RFPL2: variants seen among roughly 807,000 people sequenced by gnomAD.
The protein encoded by RFPL2 is ret finger protein-like 2.
In RFPL2, 13 loss-of-function variants were observed where a neutral mutation model predicts 17.8. The ratio of observed to expected loss-of-function variants is 0.73; its 90% CI spans 0.47 to 1.16. The LOEUF is 1.16. RFPL2 is among the 50% of genes most tolerant of loss of function. The probability of loss-of-function intolerance (pLI) is 0.00; values close to 1 mark genes in which losing one functional copy is unlikely to be tolerated. For missense variants in RFPL2, 431 were observed against 479.3 expected, an observed-to-expected ratio of 0.90 and a Z score of 0.94; for synonymous variants, 189 against 180.9, an observed-to-expected ratio of 1.04 and a Z score of -0.36.
chr22:32,200,122 G>A (rs1244673724), intron 2 of RFPL2: 1 of 395,608 alleles, frequency 2.5e-6, no homozygotes, highest in African/African-American at 2.2e-5. Context: ...ACAGCCAGAA[G>A]CGACCTGAGC....
rs1386311519 is a variant in RFPL2, at chr22:32,203,191, C to T, written c.-99-641G>A. The T allele has an allele frequency of 8.4e-6, 6 of 716,498 alleles. No individual in the cohort carries two copies. The African/African-American group carries it at 1.2e-4, about 14-fold the overall frequency. The allele number at this position is 716,498 out of a possible 1,614,324, so 44.4% of individuals were successfully genotyped here. A position where few individuals can be genotyped will look rare whatever the true frequency, so the allele number is the denominator to read the frequency against. ...ATGGCGCTGGCAGCCTGCCCCCTGCCACGGGCAGCGCAGCCCGGGATAACT... is the reference window on the plus strand; with the variant it reads ...ATGGCGCTGGCAGCCTGCCCCCTGCTACGGGCAGCGCAGCCCGGGATAACT... On this transcript the variant is annotated intron_variant, in intron 1 of 4. Transcript: ENST00000652607.
At chr22:32,201,890 C>G (rs189557887) in intron 2 of RFPL2, among the ~76,000 whole-genome samples, 1 of 152,184 alleles carries the variant, frequency 6.6e-6, no homozygotes, top group Non-Finnish European at 1.5e-5. Flanking sequence ...TCCCACGGCT[C>G]CTGTTTGACT....
At chr22:32,201,037 T>A (rs1923865225) in intron 2 of RFPL2, among the ~76,000 whole-genome samples, 1 of 141,290 alleles carries the variant, frequency 7.1e-6, no homozygotes, top group South Asian at 2.2e-4. Flanking sequence ...TTCCCTTATT[T>A]CCTTTTTTTT....
chr22:32,196,769 T>C (rs1480333456), intron 2 of RFPL2, among the ~76,000 whole-genome samples: 1 of 152,112 alleles, frequency 6.6e-6, no homozygotes. Flanking sequence ...AGATGTGATG[T>C]CAATGAGACA....
intron 2 of RFPL2, among the ~76,000 whole-genome samples, chr22:32,199,215 T>TGTG (rs1923668035): frequency 6.6e-6 from 1 of 151,850 alleles, no homozygotes; most frequent in African/African-American, 2.4e-5. Flanking sequence ...AGGGGAAGGC[T>TGTG]GTGGACATGA....
chr22:32,198,151 C>T (rs1403221083), intron 2 of RFPL2, among the ~76,000 whole-genome samples: 2 of 152,126 alleles, frequency 1.3e-5, no homozygotes, highest in South Asian at 2.1e-4. Flanking sequence ...CCTGCTCTTG[C>T]TTTGTGATCA....
At chr22:32,201,845 C>A (rs112713114) in intron 2 of RFPL2, among the ~76,000 whole-genome samples, 1,896 of 152,224 alleles carry the variant, frequency 0.012, 48 homozygotes, top group African/African-American at 0.043. Flanking sequence ...TGGGTGGGGC[C>A]AGGGAGGGGC....
At chr22:32,197,507 G>A (rs1923472382) in intron 2 of RFPL2, among the ~76,000 whole-genome samples, 1 of 151,702 alleles carries the variant, frequency 6.6e-6, no homozygotes. Flanking sequence ...TGCTGCGCCC[G>A]TTAACTCGTC....
At chr22:32,192,309 T>A (rs2149524310) in intron 4 of RFPL2, among the ~76,000 whole-genome samples, 1 of 152,292 alleles carries the variant, frequency 6.6e-6, no homozygotes, top group South Asian at 2.1e-4. Context: ...TAGAGATGTA[T>A]AGTATTTTCT....
At chr22:32,200,446 G>T (rs1336417615) in intron 2 of RFPL2, among the ~76,000 whole-genome samples, 1 of 152,144 alleles carries the variant, frequency 6.6e-6, no homozygotes, top group Non-Finnish European at 1.5e-5. Context: ...TGTGTGTAAG[G>T]GGGGATTCCT....
chr22:32,202,695 G>A lies in RFPL2; in HGVS notation c.-99-145C>T, dbSNP rs906913280. ...TTAGCGCAAGCTGGCCAGGAACTGC[G>A]GCCTGGAGTGGGGACTGCAGACACC... On this transcript the variant is annotated intron_variant, in intron 1 of 4. Transcript: ENST00000652607. 3.8e-6 allele frequency: 5 copies of A among 1,319,730 alleles called. No homozygotes were observed. In the African/African-American group the frequency reaches 5.9e-5, roughly 16 times the overall value. 81.8% of individuals were successfully genotyped at this position (1,319,730 alleles called of 1,614,324 possible).
In RFPL2 at chr22:32,193,045, A is replaced by G. The variant is rs779829185; in HGVS notation, c.413T>C (p.Leu138Pro). Residue 138 changes from leucine to proline, a missense_variant, in exon 4 of 5, where the codon CTT becomes CCT. Physicochemically the swap from Leu to Pro is moderately conservative, Grantham distance 98. Coordinates refer to ENST00000652607, the MANE Select transcript of RFPL2 (RefSeq NM_001394555.1). ...AGAGACCATGGAAGAGCAACAGCAA[A>G]GTAGATCCTCCCCATGGGGCTCCTT... ...LQKEPHGEDL[L>P]CCCSSMVSRK... The G allele has an allele frequency of 1.1e-5, 18 of 1,613,884 alleles. No homozygotes were observed. Among genetic ancestry groups the G allele is most frequent in the Non-Finnish European group, 1.4e-5 (17 of 1,179,932 alleles).
At chr22:32,203,495 C>T (rs904055154) in intron 1 of RFPL2, 3 of 152,138 alleles carry the variant, frequency 2.0e-5, no homozygotes, top group Non-Finnish European at 4.4e-5. Flanking sequence ...CAATCTGCCA[C>T]CCACCGCCGG....
At chr22:32,193,537 C>T (rs1436024663) in intron 3 of RFPL2, 2 of 1,321,100 alleles carry the variant, frequency 1.5e-6, no homozygotes, top group African/African-American at 1.5e-5. Context: ...AGGGGAACCC[C>T]AGCAAGAGAC....
chr22:32,200,723 T>C (rs1923829775), intron 2 of RFPL2, among the ~76,000 whole-genome samples: 1 of 152,070 alleles, frequency 6.6e-6, no homozygotes, highest in Admixed American at 6.6e-5. Flanking sequence ...TTCTTTAGTC[T>C]TGAAATCCTA....
At chr22:32,202,785 G>C in intron 1 of RFPL2, 1 of 1,080,144 alleles carries the variant, frequency 9.3e-7, no homozygotes, top group South Asian at 3.2e-5. Context: ...TCCTCGGGAA[G>C]CAGGAGCAGC....
In RFPL2 at chr22:32,202,436, A is replaced by T. The variant is rs1924026946; in HGVS notation, c.16T>A (p.Leu6Ile). The change falls in exon 2 of 5, where the codon TTA becomes ATA. Residue 6 changes from leucine to isoleucine, a missense_variant. Transcript: ENST00000652607. ...GACACTGCAGTCTCTGGGAAGCCTA[A>T]TTCAGCCACCTCCATCGGAGGCAAA... MEVAELGFPETAVSQS... is the reference protein window; with the variant it reads MEVAEIGFPETAVSQS... 1 of 1,597,718 alleles carries T rather than the reference A, an allele frequency of 6.3e-7. No homozygotes were observed. The highest frequency in any genetic ancestry group is 8.5e-7 in the Non-Finnish European group (1 of 1,172,216).
At chr22:32,197,505 C>T (rs1923471581) in intron 2 of RFPL2, among the ~76,000 whole-genome samples, 1 of 151,992 alleles carries the variant, frequency 6.6e-6, no homozygotes, top group Non-Finnish European at 1.5e-5. Context: ...TATGCTGCGC[C>T]CGTTAACTCG....
intron 2 of RFPL2, among the ~76,000 whole-genome samples, chr22:32,197,778 G>A (rs966149691): frequency 7.9e-5 from 12 of 152,156 alleles, no homozygotes; most frequent in African/African-American, 2.9e-4. Context: ...TGGTGCATAT[G>A]TACCACATTT....
Sources: allele counts gnomAD v4.1 joint callset (sites outside exome capture counted in the v4.1 genomes callset), GRCh38; gene constraint gnomAD v4.1.1; transcripts MANE v1.5; gene names NCBI Gene and HGNC (gene_info 2026-07-23, HGNC 2026-07-21).